BICC1: variants seen among roughly 807,000 people sequenced by gnomAD.
BICC1 encodes protein bicaudal C homolog 1.
BICC1 carries 43 observed loss-of-function variants against 111.0 expected under a neutral mutation model. The observed-to-expected ratio is 0.39, with a 90% CI of 0.30 to 0.50. The LOEUF is 0.50. BICC1 is among the 20% of genes least tolerant of loss of function. The pLI is 0.88. For synonymous variants in BICC1, 467 were observed against 434.4 expected, an observed-to-expected ratio of 1.07 and a Z score of -0.93; for missense variants, 1,091 against 1,203.2, an observed-to-expected ratio of 0.91 and a Z score of 1.38.
intron 1 of BICC1, among the ~76,000 whole-genome samples, chr10:58,579,216 G>A (rs150503382): frequency 9.9e-5 from 15 of 152,274 alleles, no homozygotes; most frequent in Admixed American, 7.8e-4. Context: ...GCTTCCTTGC[G>A]ACATTCCTTA....
rs199857522 is a variant in BICC1 at position 58,796,621 on chromosome 10, A to AT, written c.1366+104dup. On this transcript the variant is annotated intron_variant, in intron 10 of 20. Transcript: ENST00000373886. ...CCATTCGGGTCTACATTTAAAGGCTATTTTTTTTTCCTTTGGGCTCTAAGA... is the reference window on the plus strand; with the variant it reads ...CCATTCGGGTCTACATTTAAAGGCTATTTTTTTTTTCCTTTGGGCTCTAAGA... 6.9e-3 allele frequency: 8,225 copies of AT among 1,195,328 alleles called. 175 individuals carry two copies. In the African/African-American group the frequency reaches 0.081, roughly 12 times the overall value. 74.0% of individuals were successfully genotyped at this position (1,195,328 alleles called of 1,614,324 possible). A position where few individuals can be genotyped will look rare whatever the true frequency, so the allele number is the denominator to read the frequency against.
chr10:58,824,658 G>T (rs1452838477), intron 20 of BICC1, among the ~76,000 whole-genome samples: 1 of 152,026 alleles, frequency 6.6e-6, no homozygotes, highest in Non-Finnish European at 1.5e-5. Context: ...ATTCAAAAGG[G>T]GATTGATTGT....
intron 1 of BICC1, among the ~76,000 whole-genome samples, chr10:58,529,372 A>G (rs1039936298): frequency 2.0e-5 from 3 of 151,860 alleles, no homozygotes; most frequent in Non-Finnish European, 2.9e-5. Context: ...TATTTTCAGA[A>G]TTGTTTTAAT....
chr10:58,815,619 C>T (rs1389637728), intron 18 of BICC1, among the ~76,000 whole-genome samples: 2 of 151,676 alleles, frequency 1.3e-5, no homozygotes, highest in East Asian at 3.9e-4. Flanking sequence ...ATTAATGAAG[C>T]ACAGTTATTT....
At chr10:58,516,091 A>C (rs115025785) in intron 1 of BICC1, among the ~76,000 whole-genome samples, 2,107 of 152,288 alleles carry the variant, frequency 0.014, 38 homozygotes, top group African/African-American at 0.048. Flanking sequence ...AGTGCCAAGT[A>C]AGTAAAGTCT....
chr10:58,514,264 T>G (rs1263707005), intron 1 of BICC1, among the ~76,000 whole-genome samples: 1 of 152,214 alleles, frequency 6.6e-6, no homozygotes, highest in Non-Finnish European at 1.5e-5. Context: ...ATGAGTTAGT[T>G]TGAATGACTG....
chr10:58,647,503 T>C (rs1166376041), intron 2 of BICC1, among the ~76,000 whole-genome samples: 1 of 152,200 alleles, frequency 6.6e-6, no homozygotes, highest in Non-Finnish European at 1.5e-5. Flanking sequence ...ATGCTACTTA[T>C]CTGGAATCCA....
At chr10:58,554,946 C>G (rs1843402425) in intron 1 of BICC1, among the ~76,000 whole-genome samples, 1 of 151,686 alleles carries the variant, frequency 6.6e-6, no homozygotes, top group Admixed American at 6.6e-5. Context: ...TCTCTTTTGG[C>G]TCTGTGACTG....
chr10:58,661,304 C>G (rs145757646), intron 2 of BICC1, among the ~76,000 whole-genome samples: 4 of 150,582 alleles, frequency 2.7e-5, no homozygotes, highest in Non-Finnish European at 5.9e-5. Context: ...TCAGTTAGTT[C>G]CATGTCATTT....
At chr10:58,548,171 T>C (rs940727881) in intron 1 of BICC1, among the ~76,000 whole-genome samples, 2 of 152,164 alleles carry the variant, frequency 1.3e-5, no homozygotes, top group Admixed American at 1.3e-4. Context: ...CTCATTGGAG[T>C]TTTCTCTCAT....
At chr10:58,615,359 C>T (rs928323983) in intron 1 of BICC1, among the ~76,000 whole-genome samples, 5 of 152,120 alleles carry the variant, frequency 3.3e-5, no homozygotes, top group South Asian at 4.2e-4. Flanking sequence ...AAGAATACGT[C>T]GAGGCAGACA....
At chr10:58,579,377 A>T (rs1370181578) in intron 1 of BICC1, among the ~76,000 whole-genome samples, 1 of 152,198 alleles carries the variant, frequency 6.6e-6, no homozygotes, top group African/African-American at 2.4e-5. Flanking sequence ...GCTGGTGCTG[A>T]CGTGTCACAC....
At position 58,732,405 on chromosome 10, in the gene BICC1, A is replaced by G. The variant is rs866368042; in HGVS notation, c.307+30262A>G. Among the ~76,000 whole-genome samples, 33 of 15,018 alleles carry G rather than the reference A, an allele frequency of 2.2e-3. 2 individuals are homozygous for G. Among genetic ancestry groups the G allele is most frequent in the Admixed American group, 0.011 (11 of 964 alleles). 9.9% of individuals were successfully genotyped at this position (15,018 alleles called of 152,430 possible). On this transcript the variant is annotated intron_variant, in intron 3 of 20. Coordinates refer to ENST00000373886, the MANE Select transcript of BICC1 (RefSeq NM_001080512.3). ...TATATATATATATATATATATATAT[A>G]TATATATATATATATATATATATAT...
intron 3 of BICC1, among the ~76,000 whole-genome samples, chr10:58,729,660 C>G (rs1841225969): frequency 1.3e-5 from 2 of 152,182 alleles, no homozygotes; most frequent in Non-Finnish European, 2.9e-5. Context: ...GGGGAGGCCT[C>G]AGGGAGCTTT....
At chr10:58,787,153 T>A in intron 5 of BICC1, 72 bp downstream of exon 5, 1 of 1,363,184 alleles carries the variant, frequency 7.3e-7, no homozygotes, top group Non-Finnish European at 9.8e-7. Context: ...TTTGCCTATC[T>A]TTTTTTTCTG....
intron 1 of BICC1, among the ~76,000 whole-genome samples, chr10:58,541,485 T>G (rs1842979889): frequency 6.6e-6 from 1 of 152,046 alleles, no homozygotes; most frequent in African/African-American, 2.4e-5. Flanking sequence ...TACTTAGGAA[T>G]AAACTTTACC....
intron 1 of BICC1, among the ~76,000 whole-genome samples, chr10:58,617,771 C>G (rs1845666228): frequency 6.6e-6 from 1 of 152,226 alleles, no homozygotes; most frequent in Non-Finnish European, 1.5e-5. Flanking sequence ...GGTCACTGGC[C>G]CATATAGGGC....
At chr10:58,707,842 CA>C (rs1840436437) in intron 3 of BICC1, among the ~76,000 whole-genome samples, 1 of 152,084 alleles carries the variant, frequency 6.6e-6, no homozygotes, top group Non-Finnish European at 1.5e-5. Context: ...GATTACAAGG[CA>C]CCTGCCACCA....
At chr10:58,586,330 A>G (rs1446517347) in intron 1 of BICC1, among the ~76,000 whole-genome samples, 1 of 152,166 alleles carries the variant, frequency 6.6e-6, no homozygotes, top group Non-Finnish European at 1.5e-5. Flanking sequence ...TTTTATATGA[A>G]GTCAAGCTCT....
Sources: allele counts gnomAD v4.1 joint callset (sites outside exome capture counted in the v4.1 genomes callset), GRCh38; gene constraint gnomAD v4.1.1; transcripts MANE v1.5; gene names NCBI Gene and HGNC (gene_info 2026-07-23, HGNC 2026-07-21).